The following SAMD12 variants were observed in gnomAD, a reference collection of about 807,000 sequenced individuals.
SAMD12 encodes the protein sterile alpha motif domain containing 12, also known as sterile alpha motif domain-containing protein 12.
SAMD12 carries 9 observed loss-of-function variants against 15.0 expected under a neutral mutation model. That is an observed-to-expected ratio of 0.60 (90% CI 0.36 to 1.05). The LOEUF (loss-of-function observed/expected upper bound fraction) is 1.05, where lower values mean the gene tolerates loss of function less well. SAMD12 is among the 50% of genes least tolerant of loss of function. The pLI is 0.01. For synonymous variants in SAMD12, 86 were observed against 90.1 expected (o/e 0.96, Z 0.25); for missense variants, 230 against 234.2 (o/e 0.98, Z 0.12).
At chr8:118,412,362 G>C (rs530074057) in intron 3 of SAMD12, among the ~76,000 whole-genome samples, 1 of 152,286 alleles carries the variant, frequency 6.6e-6, no homozygotes, top group South Asian at 2.1e-4. Context: ...CCTTGTGTCT[G>C]AGCTTGATAC....
chr8:118,570,145 C>T (rs1014573401), intron 2 of SAMD12, among the ~76,000 whole-genome samples: 12 of 152,178 alleles, frequency 7.9e-5, no homozygotes, highest in Admixed American at 7.2e-4. Context: ...GAAAGAGCCA[C>T]ACCATCTGAA....
intron 2 of SAMD12, among the ~76,000 whole-genome samples, chr8:118,580,104 A>G (rs1827250155): frequency 6.6e-6 from 1 of 152,142 alleles, no homozygotes. Context: ...CTCTTTCACT[A>G]CTTAGGGTTC....
chr8:118,413,786 T>A (rs550962980), intron 3 of SAMD12, among the ~76,000 whole-genome samples: 1 of 152,144 alleles, frequency 6.6e-6, no homozygotes, highest in Non-Finnish European at 1.5e-5. Flanking sequence ...AAGAAGAAGC[T>A]ATAGCTCTTG....
intron 2 of SAMD12, among the ~76,000 whole-genome samples, chr8:118,464,334 G>A (rs1021237459): frequency 6.6e-6 from 1 of 152,200 alleles, no homozygotes; most frequent in African/African-American, 2.4e-5. Context: ...GGCAGGGGCA[G>A]AGTGACTCTA....
intron 3 of SAMD12, among the ~76,000 whole-genome samples, chr8:118,403,632 TAAA>T (rs1196269446): frequency 6.6e-6 from 1 of 152,126 alleles, no homozygotes; most frequent in Non-Finnish European, 1.5e-5. Context: ...TGCATTAAAC[TAAA>T]AACAAAAACA....
At chr8:118,507,337 C>T (rs1824948670) in intron 2 of SAMD12, among the ~76,000 whole-genome samples, 1 of 152,096 alleles carries the variant, frequency 6.6e-6, no homozygotes, top group Non-Finnish European at 1.5e-5. Context: ...AAATTATAAT[C>T]ACCTGTATAT....
intron 1 of SAMD12, among the ~76,000 whole-genome samples, chr8:118,605,080 T>C (rs567065803): frequency 3.0e-4 from 45 of 152,218 alleles, no homozygotes; most frequent in Admixed American, 7.2e-4. Context: ...ACTGTCTTTA[T>C]ATTGCAAAGG....
chr8:118,372,728 G>T (rs1427687000), intron 4 of SAMD12, among the ~76,000 whole-genome samples: 1 of 151,698 alleles, frequency 6.6e-6, no homozygotes, highest in Non-Finnish European at 1.5e-5. Context: ...CACAAACTGT[G>T]GTTATATTAG....
Position 118,302,078 on chromosome 8 carries a change from G to GTTT in SAMD12, c.433+77479_433+77481dup, listed in dbSNP as rs58076997. 5.4e-3 allele frequency among the ~76,000 whole-genome samples: 402 copies of GTTT among 74,660 alleles called. 10 individuals carry two copies. Among genetic ancestry groups the GTTT allele is most frequent in the East Asian group, 9.6e-3 (18 of 1,868 alleles). The allele number at this position is 74,660 out of a possible 152,430, so 49.0% of individuals were successfully genotyped here. On this transcript the variant is annotated intron_variant, in intron 4 of 4. Transcript: ENST00000409003. ...ATTTTCTAGCGCCAGATCTTTGAGA[G>GTTT]TTTTTTTTTTTTTTTTTTTTTTTTT...
chr8:118,342,486 A>C (rs1817424431), intron 4 of SAMD12, among the ~76,000 whole-genome samples: 1 of 152,168 alleles, frequency 6.6e-6, no homozygotes, highest in African/African-American at 2.4e-5. Flanking sequence ...CTACTTTGAA[A>C]TTTCCCTTTT....
exon 5 of SAMD12, chr8:118,191,807 TATATAGAGAGAG>T (rs1819405303): frequency 6.3e-5 from 1 of 15,942 alleles, no homozygotes. Context: ...TATATATATA[TATATAGAGAGAG>T]AGAGAGAGAG....
chr8:118,528,581 ATTT>A (rs1429535791), intron 2 of SAMD12, among the ~76,000 whole-genome samples: 1 of 152,202 alleles, frequency 6.6e-6, no homozygotes, highest in East Asian at 1.9e-4. Context: ...TGGTTACTCA[ATTT>A]TGAATTCATA....
intron 2 of SAMD12, among the ~76,000 whole-genome samples, chr8:118,491,293 C>G (rs1389609510): frequency 1.3e-5 from 2 of 152,194 alleles, no homozygotes; most frequent in African/African-American, 4.8e-5. Context: ...CCACCTCTCT[C>G]AGGAGATCTA....
intron 1 of SAMD12, among the ~76,000 whole-genome samples, chr8:118,612,682 C>A (rs1828137823): frequency 1.3e-5 from 2 of 152,348 alleles, no homozygotes; most frequent in African/African-American, 4.8e-5. Flanking sequence ...GTAAAACATA[C>A]TCACTATATG....
intron 4 of SAMD12, among the ~76,000 whole-genome samples, chr8:118,249,541 T>C (rs1812772822): frequency 6.6e-6 from 1 of 152,214 alleles, no homozygotes; most frequent in African/African-American, 2.4e-5. Context: ...GCTGACTTTA[T>C]GTACGTATGC....
chr8:118,517,731 C>A (rs1303632586), intron 2 of SAMD12, among the ~76,000 whole-genome samples: 1 of 152,162 alleles, frequency 6.6e-6, no homozygotes, highest in Non-Finnish European at 1.5e-5. Flanking sequence ...GAGATTATTA[C>A]AAGATCGACC....
At chr8:118,359,129 G>A (rs1486002512) in intron 4 of SAMD12, among the ~76,000 whole-genome samples, 1 of 151,844 alleles carries the variant, frequency 6.6e-6, no homozygotes, top group Admixed American at 6.6e-5. Flanking sequence ...TTAATCCCTA[G>A]TATCTTAAAA....
intron 1 of SAMD12, among the ~76,000 whole-genome samples, chr8:118,587,862 A>G (rs758356983): frequency 1.3e-5 from 2 of 152,212 alleles, no homozygotes; most frequent in Non-Finnish European, 2.9e-5. Context: ...AACCCCTGCA[A>G]AATGACACAT....
chr8:118,253,565 A>G (rs192954621), intron 4 of SAMD12, among the ~76,000 whole-genome samples: 9 of 152,282 alleles, frequency 5.9e-5, no homozygotes, highest in Admixed American at 5.9e-4. Context: ...CTTTAGTATC[A>G]ATGCTGACAA....
Sources: gnomAD v4.1 joint callset for allele counts (sites outside exome capture counted in the v4.1 genomes callset) on GRCh38, gnomAD v4.1.1 for gene constraint, MANE v1.5 for transcripts, NCBI Gene and HGNC (gene_info 2026-07-23, HGNC 2026-07-21) for gene names.